Variants in SEZ6L observed in about 807,000 individuals in gnomAD.
The protein encoded by SEZ6L is seizure related 6 homolog like.
In SEZ6L, 37 loss-of-function variants were observed where a neutral mutation model predicts 106.2. The ratio of observed to expected loss-of-function variants is 0.35; its 90% CI spans 0.27 to 0.46. SEZ6L has a LOEUF of 0.46. Ranked by LOEUF, SEZ6L falls within the 20% of genes least tolerant of loss-of-function variation. The probability of loss-of-function intolerance (pLI) is 1.00; values close to 1 mark genes in which losing one functional copy is unlikely to be tolerated. For synonymous variants in SEZ6L, 541 were observed against 570.4 expected, an observed-to-expected ratio of 0.95 and a Z score of 0.73; for missense variants, 1,172 against 1,332.8, an observed-to-expected ratio of 0.88 and a Z score of 1.88.
intron 1 of SEZ6L, among the ~76,000 whole-genome samples, chr22:26,172,704 T>C (rs1287405215): frequency 1.3e-5 from 2 of 152,210 alleles, no homozygotes; most frequent in Admixed American, 1.3e-4. Context: ...CTGGAGGCCT[T>C]GCTATCATCT....
At chr22:26,300,189 A>G (rs1410041656) in intron 5 of SEZ6L, among the ~76,000 whole-genome samples, 1 of 152,054 alleles carries the variant, frequency 6.6e-6, no homozygotes, top group Non-Finnish European at 1.5e-5. Context: ...GTTTTAGGGT[A>G]CATGTGCACA....
At chr22:26,247,213 A>T (rs937338917) in intron 1 of SEZ6L, among the ~76,000 whole-genome samples, 1 of 152,188 alleles carries the variant, frequency 6.6e-6, no homozygotes, top group African/African-American at 2.4e-5. Context: ...GATGTTATTA[A>T]GAAAATCACT....
chr22:26,273,241 C>G (rs1241956729), intron 1 of SEZ6L, among the ~76,000 whole-genome samples: 5 of 152,254 alleles, frequency 3.3e-5, no homozygotes, highest in Admixed American at 6.5e-5. Flanking sequence ...TTCCCCCACC[C>G]CAGGACAATG....
At chr22:26,179,192 C>A (rs1939221695) in intron 1 of SEZ6L, among the ~76,000 whole-genome samples, 1 of 152,112 alleles carries the variant, frequency 6.6e-6, no homozygotes, top group African/African-American at 2.4e-5. Context: ...AGCTCTAGAC[C>A]AGCCTGGGCA....
chr22:26,267,246 T>A (rs545861037), intron 1 of SEZ6L, among the ~76,000 whole-genome samples: 3 of 152,306 alleles, frequency 2.0e-5, no homozygotes, highest in Admixed American at 6.5e-5. Context: ...ATGACAAAAA[T>A]GTGCCTCAGT....
At chr22:26,248,251 G>T (rs1367182471) in intron 1 of SEZ6L, among the ~76,000 whole-genome samples, 1 of 152,202 alleles carries the variant, frequency 6.6e-6, no homozygotes, top group Non-Finnish European at 1.5e-5. Context: ...GTCTTCATCT[G>T]TAAAATGTGA....
chr22:26,300,299 C>G (rs1178302079), intron 5 of SEZ6L, among the ~76,000 whole-genome samples: 1 of 152,028 alleles, frequency 6.6e-6, no homozygotes, highest in African/African-American at 2.4e-5. Flanking sequence ...TGCTATCCCT[C>G]CCCCCTCTCC....
At chr22:26,239,753 G>A (rs1050995804) in intron 1 of SEZ6L, among the ~76,000 whole-genome samples, 5 of 151,988 alleles carry the variant, frequency 3.3e-5, no homozygotes, top group Non-Finnish European at 7.4e-5. Flanking sequence ...AGCCGCTGAG[G>A]TTGTAAAACA....
intron 1 of SEZ6L, among the ~76,000 whole-genome samples, chr22:26,223,368 A>G (rs946548593): frequency 4.9e-4 from 74 of 152,330 alleles, no homozygotes; most frequent in Non-Finnish European, 2.2e-4. Context: ...TGAATCCTCC[A>G]TATACTCCAT....
At chr22:26,189,303 G>A (rs1940015777) in intron 1 of SEZ6L, among the ~76,000 whole-genome samples, 1 of 152,168 alleles carries the variant, frequency 6.6e-6, no homozygotes, top group African/African-American at 2.4e-5. Context: ...TATGTTTCCT[G>A]GCTGGGATTT....
intron 1 of SEZ6L, among the ~76,000 whole-genome samples, chr22:26,185,191 G>A (rs889351596): frequency 2.6e-5 from 4 of 152,266 alleles, no homozygotes; most frequent in African/African-American, 9.6e-5. Context: ...TAAAAAGAGA[G>A]CTGGGGGATT....
intron 10 of SEZ6L, among the ~76,000 whole-genome samples, chr22:26,343,607 A>T (rs2082914963): frequency 6.6e-6 from 1 of 152,206 alleles, no homozygotes; most frequent in African/African-American, 2.4e-5. Flanking sequence ...ACCAGGATAT[A>T]GAGATGAATA....
chr22:26,280,152 T>C (rs1257715405), intron 1 of SEZ6L, among the ~76,000 whole-genome samples: 1 of 152,238 alleles, frequency 6.6e-6, no homozygotes, highest in African/African-American at 2.4e-5. Flanking sequence ...TTGATTGTTC[T>C]TGCTTCACAC....
chr22:26,208,889 TG>T (rs1941451535), intron 1 of SEZ6L, among the ~76,000 whole-genome samples: 1 of 148,880 alleles, frequency 6.7e-6, no homozygotes, highest in African/African-American at 2.4e-5. Flanking sequence ...TGTGTGTGTG[TG>T]TGTGTGTGTG....
intron 1 of SEZ6L, among the ~76,000 whole-genome samples, chr22:26,176,937 T>A (rs1939042502): frequency 6.6e-6 from 1 of 152,216 alleles, no homozygotes; most frequent in Non-Finnish European, 1.5e-5. Flanking sequence ...CATACACTGA[T>A]AATGCCTGAG....
chr22:26,300,239 G>T (rs1013392437), intron 5 of SEZ6L, among the ~76,000 whole-genome samples: 1 of 152,006 alleles, frequency 6.6e-6, no homozygotes, highest in Non-Finnish European at 1.5e-5. Flanking sequence ...GTGCCATGTT[G>T]GTGTGCTGCA....
intron 1 of SEZ6L, among the ~76,000 whole-genome samples, chr22:26,279,949 C>T (rs952925416): frequency 3.9e-5 from 6 of 152,122 alleles, no homozygotes; most frequent in South Asian, 2.1e-4. Flanking sequence ...TTAATTATTT[C>T]GTTTTTAATT....
intron 7 of SEZ6L, among the ~76,000 whole-genome samples, chr22:26,311,221 TC>T (rs2081819915): frequency 6.6e-6 from 1 of 152,154 alleles, no homozygotes; most frequent in African/African-American, 2.4e-5. Context: ...TTTCTGTCCA[TC>T]CTGTGCTGGG....
chr22:26,209,476 T>C (rs1281914143), intron 1 of SEZ6L, among the ~76,000 whole-genome samples: 1 of 145,284 alleles, frequency 6.9e-6, no homozygotes. Flanking sequence ...TATGGATGGA[T>C]GGATGGATGG....
Sources: allele counts gnomAD v4.1 joint callset (sites outside exome capture counted in the v4.1 genomes callset), GRCh38; gene constraint gnomAD v4.1.1; transcripts MANE v1.5; gene names NCBI Gene and HGNC (gene_info 2026-07-23, HGNC 2026-07-21).